C1QTNF3: variants seen among roughly 807,000 people sequenced by gnomAD.
The protein encoded by C1QTNF3 is C1q and TNF related 3.
In C1QTNF3, 26 loss-of-function variants were observed where a neutral mutation model predicts 32.6. The observed-to-expected ratio is 0.80, with a 90% CI of 0.58 to 1.11. C1QTNF3 has a LOEUF of 1.11. Ranked by LOEUF, C1QTNF3 falls within the 50% of genes least tolerant of loss-of-function variation. The probability of loss-of-function intolerance (pLI) is 0.00; values close to 1 mark genes in which losing one functional copy is unlikely to be tolerated. For synonymous variants in C1QTNF3, 155 were observed against 146.0 expected (o/e 1.06, Z -0.44); for missense variants, 362 against 398.2 (o/e 0.91, Z 0.77).
chr5:34,226,860 C>G, the C1QTNF3 span, among the ~76,000 whole-genome samples: 3 of 151,014 alleles, frequency 2.0e-5, no homozygotes, highest in African/African-American at 7.3e-5. Context: ...GTTTACAGTA[C>G]TACAGTATAT....
chr5:34,165,411 G>A, the C1QTNF3 span: 2 of 151,924 alleles, frequency 1.3e-5, no homozygotes, highest in African/African-American at 2.4e-5. Flanking sequence ...ATATGTATAC[G>A]TGTAGGTTCT....
At chr5:34,077,484 A>C in the C1QTNF3 span, among the ~76,000 whole-genome samples, 1 of 151,766 alleles carries the variant, frequency 6.6e-6, no homozygotes, top group Non-Finnish European at 1.5e-5. Context: ...ATTTGTGACA[A>C]ATGTCTGTAA....
chr5:34,210,513 T>TA, the C1QTNF3 span, among the ~76,000 whole-genome samples: 3 of 151,740 alleles, frequency 2.0e-5, no homozygotes, highest in African/African-American at 7.2e-5. Context: ...TCACATAATT[T>TA]TTTTTTTTTT....
chr5:34,112,354 C>A, the C1QTNF3 span, among the ~76,000 whole-genome samples: 1 of 152,106 alleles, frequency 6.6e-6, no homozygotes, highest in African/African-American at 2.4e-5. Flanking sequence ...CACCAACATG[C>A]TAGTCTTTTT....
chr5:34,053,751 G>C, the C1QTNF3 span, among the ~76,000 whole-genome samples: 1 of 152,182 alleles, frequency 6.6e-6, no homozygotes, highest in South Asian at 2.1e-4. Context: ...GAAGTAACAT[G>C]CCCAAGGCAG....
the C1QTNF3 span, among the ~76,000 whole-genome samples, chr5:34,123,021 A>T: frequency 6.6e-6 from 1 of 150,806 alleles, no homozygotes; most frequent in Non-Finnish European, 1.5e-5. Context: ...CAGTCACCCC[A>T]CCAGTGAAAT....
the C1QTNF3 span, among the ~76,000 whole-genome samples, chr5:34,142,374 G>A: frequency 2.0e-5 from 3 of 151,456 alleles, no homozygotes; most frequent in African/African-American, 7.3e-5. Flanking sequence ...AGAGGTTGCA[G>A]TGAGCCGAGA....
intron 1 of C1QTNF3, among the ~76,000 whole-genome samples, chr5:34,036,939 C>G (rs980851172): frequency 1.3e-5 from 2 of 151,464 alleles, no homozygotes; most frequent in Admixed American, 1.3e-4. Flanking sequence ...GCGACAAGAG[C>G]AAGACACAGT....
chr5:34,018,883 T>C lies in C1QTNF3; in HGVS notation c.*1700A>G, dbSNP rs1014064299. ...GGCTCACGCCTGTAATCCCAGCACT[T>C]TGGAAGACCGAGGCAGGCAGATCAC... On this transcript the variant is annotated 3_prime_UTR_variant, in exon 6 of 6. Transcript: ENST00000382065. Among the ~76,000 whole-genome samples the C allele has an allele frequency of 3.3e-5, 5 of 152,192 alleles. No individual in the cohort carries two copies. Among genetic ancestry groups the C allele is most frequent in the Admixed American group, 6.5e-5 (1 of 15,280 alleles).
the C1QTNF3 span, chr5:34,175,621 G>A: frequency 2.1e-6 from 1 of 487,502 alleles, no homozygotes; most frequent in South Asian, 2.2e-5. Context: ...GACCGTATGT[G>A]GGAAGCGGGG....
the C1QTNF3 span, among the ~76,000 whole-genome samples, chr5:34,091,421 T>C: frequency 1.6e-4 from 25 of 152,376 alleles, no homozygotes; most frequent in African/African-American, 5.1e-4. Context: ...CCACCACTAC[T>C]AGTTCTTCTT....
At chr5:34,157,617 T>C in the C1QTNF3 span, among the ~76,000 whole-genome samples, 1 of 152,190 alleles carries the variant, frequency 6.6e-6, no homozygotes, top group Non-Finnish European at 1.5e-5. Context: ...CTGGCTGTGG[T>C]CAGAAAGAGA....
chr5:34,106,075 T>A, the C1QTNF3 span: 1 of 151,148 alleles, frequency 6.6e-6, no homozygotes, highest in African/African-American at 2.4e-5. Context: ...GCTTTCATAG[T>A]TTATTTGCTC....
chr5:34,103,716 G>A, the C1QTNF3 span, among the ~76,000 whole-genome samples: 4 of 139,170 alleles, frequency 2.9e-5, no homozygotes. Context: ...CAACTACTCA[G>A]GAGGCTGAGG....
At chr5:34,118,240 T>A in the C1QTNF3 span, among the ~76,000 whole-genome samples, 6 of 152,214 alleles carry the variant, frequency 3.9e-5, no homozygotes, top group East Asian at 1.2e-3. Flanking sequence ...CCACCACGCC[T>A]GTTAATTTTT....
chr5:34,212,410 T>G, the C1QTNF3 span, among the ~76,000 whole-genome samples: 1 of 152,120 alleles, frequency 6.6e-6, no homozygotes, highest in African/African-American at 2.4e-5. Context: ...AAATGGGATC[T>G]CATTAAACTA....
At chr5:34,115,824 C>T in the C1QTNF3 span, among the ~76,000 whole-genome samples, 1 of 151,254 alleles carries the variant, frequency 6.6e-6, no homozygotes, top group Non-Finnish European at 1.5e-5. Flanking sequence ...TTAGATATAT[C>T]TTAGATGTTC....
chr5:34,044,970 C>T (rs569961603), upstream of C1QTNF3, among the ~76,000 whole-genome samples: 4 of 152,220 alleles, frequency 2.6e-5, no homozygotes, highest in South Asian at 2.1e-4. Context: ...GAAAGGATGG[C>T]GCCTGTGTTT....
the C1QTNF3 span, among the ~76,000 whole-genome samples, chr5:34,065,434 G>C: frequency 6.6e-6 from 1 of 152,192 alleles, no homozygotes; most frequent in African/African-American, 2.4e-5. Context: ...TGTAGGCTGA[G>C]GCAGGCAGAT....
Sources: gnomAD v4.1 joint callset for allele counts (sites outside exome capture counted in the v4.1 genomes callset) on GRCh38, gnomAD v4.1.1 for gene constraint, MANE v1.5 for transcripts, NCBI Gene and HGNC (gene_info 2026-07-23, HGNC 2026-07-21) for gene names.